Variants in GIPC1 observed in about 807,000 individuals in gnomAD.
GIPC1 encodes the protein GIPC PDZ domain containing family member 1, also known as PDZ domain-containing protein GIPC1.
GIPC1 carries 15 observed loss-of-function variants against 28.5 expected under a neutral mutation model. The ratio of observed to expected loss-of-function variants is 0.53; its 90% CI spans 0.35 to 0.81. The LOEUF is 0.81. Ranked by LOEUF, GIPC1 falls within the 30% of genes least tolerant of loss-of-function variation. The probability of loss-of-function intolerance (pLI) is 0.01; values close to 1 mark genes in which losing one functional copy is unlikely to be tolerated. For synonymous variants in GIPC1, 224 were observed against 206.1 expected (o/e 1.09, Z -0.74); for missense variants, 439 against 481.9 (o/e 0.91, Z 0.83).
In GIPC1 at chr19:14,479,466, A is replaced by G. The variant is rs2071676499; in HGVS notation, c.714T>C (p.Thr238=). The G allele has an allele frequency of 7.0e-7, 1 of 1,438,116 alleles. No homozygotes were observed. The highest frequency in any genetic ancestry group is 1.5e-5 in the African/African-American group (1 of 66,698). 89.1% of individuals were successfully genotyped at this position (1,438,116 alleles called of 1,614,324 possible). Residue 238 remains threonine (T), a synonymous_variant, in exon 7 of 9, where the codon ACT becomes ACC. Transcript: ENST00000393033. ...GRPGSGPQLG[T]GRGTLRLRSR... The stretch of plus-strand genomic sequence containing the variant: ...ATCGGAGCCGCAGGGTCCCTCGGCC[A>G]GTGCCCAGTTGTGGGCCAGAGCCAG...
At chr19:14,495,496 C>T in intron 1 of GIPC1, among the ~76,000 whole-genome samples, 1 of 152,082 alleles carries the variant, frequency 6.6e-6, no homozygotes, top group Non-Finnish European at 1.5e-5. Context: ...TCTGGGTAGG[C>T]TGCCTCACCT....
rs1353082268 is a variant in GIPC1 at position 14,478,525 on chromosome 19, T to C, written c.893A>G (p.Asp298Gly). The C allele has an allele frequency of 6.2e-7, 1 of 1,614,094 alleles. No individual in the cohort carries two copies. Among genetic ancestry groups the C allele is most frequent in the Non-Finnish European group, 8.5e-7 (1 of 1,180,012 alleles). ...TTCGTCCAGGGCCTCGGCCAGCTCA[T>C]CCGGGTTCCTTTTGTCCTTTCCCAG... ...VELGKDKRNPDELAEALDERL... is the reference protein window; with the variant it reads ...VELGKDKRNPGELAEALDERL... Residue 298 changes from aspartate to glycine, a missense_variant, in exon 9 of 9, where the codon GAT becomes GGT. Physicochemically the swap from Asp to Gly is moderately conservative, Grantham distance 94. Transcript: ENST00000393033. This position sits in a 1 kb window ranked among gnomAD's most constrained non-coding sequence, Gnocchi z 5.2.
At chr19:14,489,195 T>A (rs952347085) in intron 3 of GIPC1, among the ~76,000 whole-genome samples, 2 of 152,122 alleles carry the variant, frequency 1.3e-5, no homozygotes, top group African/African-American at 4.8e-5. Flanking sequence ...AGTGCTGGGA[T>A]TATAGGCATG....
rs1313949689 is a variant in GIPC1, at chr19:14,496,047, GC to G, written c.-186del. The G allele has an allele frequency of 1.7e-4, 39 of 230,292 alleles. 1 individual carries two copies. In the South Asian group the frequency reaches 2.5e-3, roughly 15 times the overall value. The allele number at this position is 230,292 out of a possible 1,614,324, so 14.3% of individuals were successfully genotyped here. The stretch of plus-strand genomic sequence containing the variant: ...GCAGAGGCCACTCACCTGCTCCGCC[GC>G]CGCCGCCGCCGCCGCCGCCGCCGCC... On this transcript the variant is annotated 5_prime_UTR_variant, in exon 1 of 9. Transcript: ENST00000393033.
At position 14,478,520 on chromosome 19, in the gene GIPC1, G is replaced by A; in HGVS notation, c.898C>T (p.Leu300=). Reference sequence around the variant, plus strand: ...AGCCGTTCGTCCAGGGCCTCGGCCAGCTCATCCGGGTTCCTTTTGTCCTTT... The same window carrying A: ...AGCCGTTCGTCCAGGGCCTCGGCCAACTCATCCGGGTTCCTTTTGTCCTTT... ...LGKDKRNPDE[L]AEALDERLGD... The change falls in exon 9 of 9, where the codon CTG becomes TTG. Residue 300 remains leucine (L), a synonymous_variant. Coordinates refer to ENST00000393033, the MANE Select transcript of GIPC1 (RefSeq NM_005716.4). The surrounding 1 kb of genome is among the most constrained non-coding windows in gnomAD (Gnocchi z 5.2). The A allele has an allele frequency of 6.2e-7, 1 of 1,614,090 alleles. No individual in the cohort carries two copies. Among genetic ancestry groups the A allele is most frequent in the Non-Finnish European group, 8.5e-7 (1 of 1,179,996 alleles).
rs1445844354 is a variant in GIPC1 at position 14,491,741 on chromosome 19, G to A, written c.-116C>T. ...TCTTGTCCAGACAGCAGCCAGAATG[G>A]TCCTGTAAAACATAAGTCATGTCGC... is the stretch of plus-strand genomic sequence containing the variant. On this transcript the variant is annotated splice_region_variant and 5_prime_UTR_variant, in exon 3 of 9. Coordinates refer to ENST00000393033, the MANE Select transcript of GIPC1 (RefSeq NM_005716.4). 3 of 152,220 alleles carry A rather than the reference G, an allele frequency of 2.0e-5. No individual in the cohort carries two copies. Among genetic ancestry groups the A allele is most frequent in the Non-Finnish European group, 4.4e-5 (3 of 68,066 alleles). The allele number at this position is 152,220 out of a possible 1,614,324, so 9.4% of individuals were successfully genotyped here. A position where few individuals can be genotyped will look rare whatever the true frequency, so the allele number is the denominator to read the frequency against.
chr19:14,479,630 G>A, intron 6 of GIPC1, 106 bp from the exon 7 acceptor site: 1 of 549,298 alleles, frequency 1.8e-6, no homozygotes, highest in Non-Finnish European at 3.1e-6. Context: ...AACTTCTCCA[G>A]GCTTCTGCAA....
rs140413156 is a variant in GIPC1 at position 14,480,689 on chromosome 19, G to A, written c.378C>T (p.His126=). Residue 126 remains histidine (H), a synonymous_variant, in exon 5 of 9, where the codon CAC becomes CAT. Coordinates refer to ENST00000393033, the MANE Select transcript of GIPC1 (RefSeq NM_005716.4). ...CCACCTCCTTGCGCTGCCCCTTCACGTGGGCGAAGATGAAGTCCTCCAGCC... is the reference window on the plus strand; with the variant it reads ...CCACCTCCTTGCGCTGCCCCTTCACATGGGCGAAGATGAAGTCCTCCAGCC... ...QIGLEDFIFA[H]VKGQRKEVEV... The A allele has an allele frequency of 1.2e-5, 19 of 1,613,912 alleles. No individual in the cohort carries two copies. The highest frequency in any genetic ancestry group is 2.7e-5 in the African/African-American group (2 of 74,918).
chr19:14,480,186 TGCAACCCCTTCCCTTTCG>T, intron 6 of GIPC1, 101 bp downstream of exon 6: 2 of 843,490 alleles, frequency 2.4e-6, no homozygotes, highest in Non-Finnish European at 1.9e-6. Context: ...CTTCCCTTTC[TGCAACCCCTTCCCTTTCG>T]GCAGGCCAGG....
chr19:14,482,315 T>G, intron 4 of GIPC1: 1 of 317,692 alleles, frequency 3.1e-6, no homozygotes, highest in African/African-American at 2.2e-5. Context: ...TCAGTGCCTG[T>G]TGGGAACTCA....
intron 3 of GIPC1, among the ~76,000 whole-genome samples, chr19:14,490,235 G>T (rs1273584050): frequency 6.6e-6 from 1 of 151,836 alleles, no homozygotes; most frequent in Non-Finnish European, 1.5e-5. Context: ...GCACGGTGGT[G>T]GGCACCTGTA....
At chr19:14,489,662 G>C (rs1354858294) in intron 3 of GIPC1, 1 of 854,080 alleles carries the variant, frequency 1.2e-6, no homozygotes, top group Non-Finnish European at 2.0e-6. Flanking sequence ...CTCTCCATAG[G>C]GCCTGTTTTA....
At chr19:14,488,311 C>T (rs992735051) in intron 3 of GIPC1, among the ~76,000 whole-genome samples, 2 of 151,800 alleles carry the variant, frequency 1.3e-5, no homozygotes, top group African/African-American at 2.4e-5. Flanking sequence ...CACAGGTGGG[C>T]GTGGTGGTGC....
At chr19:14,493,514 G>A (rs2072014133) in intron 1 of GIPC1, among the ~76,000 whole-genome samples, 1 of 151,328 alleles carries the variant, frequency 6.6e-6, no homozygotes, top group Non-Finnish European at 1.5e-5. Context: ...TTGGAGTGCA[G>A]TGGCGCCATC....
rs1233753154 is a variant in GIPC1 at position 14,480,405 on chromosome 19, G to T, written c.555C>A (p.Ser185Arg). ...CCTCGTAGTGCCGGCAGCCCAGCAG[G>T]CTCTGCCCGTTAATGGCCTCGATCA... Reference protein sequence around the residue: ...GDMIEAINGQSLLGCRHYEVA... With the variant: ...GDMIEAINGQRLLGCRHYEVA... Residue 185 changes from serine to arginine, a missense_variant, in exon 6 of 9, where the codon AGC (serine) becomes AGA (arginine). Ser to Arg is a moderately radical substitution (Grantham distance 110). Coordinates refer to ENST00000393033, the MANE Select transcript of GIPC1 (RefSeq NM_005716.4). 3.1e-6 allele frequency: 5 copies of T among 1,613,402 alleles called. No individual in the cohort carries two copies. Among genetic ancestry groups the T allele is most frequent in the Admixed American group, 3.3e-5 (2 of 60,002 alleles).
chr19:14,486,145 C>G (rs947849594), intron 3 of GIPC1, among the ~76,000 whole-genome samples: 4 of 152,168 alleles, frequency 2.6e-5, no homozygotes, highest in Admixed American at 6.5e-5. Context: ...TCCCAAAGCT[C>G]TGGCATGACA....
intron 7 of GIPC1, 46 bp downstream of exon 7, chr19:14,479,366 A>AG (rs1491437321): frequency 3.0e-5 from 24 of 805,596 alleles, no homozygotes; most frequent in African/African-American, 1.1e-4. Flanking sequence ...AAAAAAAAAA[A>AG]GAAAGGGAAG....
chr19:14,479,609 C>T lies in GIPC1; in HGVS notation c.656-85G>A. The T allele has an allele frequency of 9.2e-6, 6 of 655,096 alleles. No individual in the cohort carries two copies. In the South Asian group the frequency reaches 1.8e-4, roughly 19 times the overall value. 40.6% of individuals were successfully genotyped at this position (655,096 alleles called of 1,614,324 possible). The stretch of plus-strand genomic sequence containing the variant: ...AGGAACTTGTCCTTCCTGGCTTTCA[C>T]CACCACCCCAAACTTCTCCAGGCTT... On this transcript the variant is annotated intron_variant, in intron 6 of 8. Coordinates refer to ENST00000393033, the MANE Select transcript of GIPC1 (RefSeq NM_005716.4).
chr19:14,480,347 G>C lies in GIPC1; in HGVS notation c.613C>G (p.Arg205Gly). ...ARLLKELPRG[R>G]TFTLKLTEPR... is the part of the protein sequence containing the mutation. ...TCCGTGAGCTTCAGCGTGAAGGTAC[G>C]GCCTCGGGGCAGCTCCTTGAGCAGC... is the stretch of plus-strand genomic sequence containing the variant. The change falls in exon 6 of 9, where the codon CGT becomes GGT. Residue 205 changes from arginine to glycine, a missense_variant. Coordinates refer to ENST00000393033, the MANE Select transcript of GIPC1 (RefSeq NM_005716.4). The C allele has an allele frequency of 6.2e-7, 1 of 1,611,942 alleles. No homozygotes were observed. Among genetic ancestry groups the C allele is most frequent in the Non-Finnish European group, 8.5e-7 (1 of 1,179,898 alleles).
Sources: gnomAD v4.1 joint callset for allele counts (sites outside exome capture counted in the v4.1 genomes callset) on GRCh38, gnomAD v4.1.1 for gene constraint, Gnocchi (gnomAD v3.1) non-coding constraint, MANE v1.5 for transcripts, NCBI Gene and HGNC (gene_info 2026-07-23, HGNC 2026-07-21) for gene names.